CCDC102B: variants seen among roughly 807,000 people sequenced by gnomAD.
The protein encoded by CCDC102B is coiled-coil domain containing 102B.
CCDC102B carries 75 observed loss-of-function variants against 57.4 expected under a neutral mutation model. That is an observed-to-expected ratio of 1.31 (90% CI 1.08 to 1.58). The LOEUF (loss-of-function observed/expected upper bound fraction) is 1.58, where lower values mean the gene tolerates loss of function less well. Among genes scored for constraint, CCDC102B ranks in the 40% most tolerant of loss-of-function variants. CCDC102B has a pLI of 0.00. For synonymous variants in CCDC102B, 206 were observed against 201.9 expected (o/e 1.02, Z -0.17); for missense variants, 636 against 582.6 (o/e 1.09, Z -0.94).
intron 6 of CCDC102B, among the ~76,000 whole-genome samples, chr18:68,905,666 C>G (rs2040604282): frequency 6.6e-6 from 1 of 152,024 alleles, no homozygotes; most frequent in African/African-American, 2.4e-5. Context: ...TGCAGTAACT[C>G]CTCATTCCTC....
intron 6 of CCDC102B, among the ~76,000 whole-genome samples, chr18:68,913,382 C>T (rs1171764345): frequency 6.7e-6 from 1 of 148,208 alleles, no homozygotes; most frequent in Non-Finnish European, 1.5e-5. Context: ...GGTGGTGGCT[C>T]ACGCCTATAC....
intron 6 of CCDC102B, among the ~76,000 whole-genome samples, chr18:68,926,541 C>T (rs1012045228): frequency 1.3e-5 from 2 of 151,740 alleles, no homozygotes; most frequent in African/African-American, 4.8e-5. Context: ...TTTAGAAACA[C>T]CTGCAATAGA....
chr18:68,858,200 G>A (rs2038570360), intron 4 of CCDC102B, among the ~76,000 whole-genome samples: 2 of 152,266 alleles, frequency 1.3e-5, no homozygotes, highest in East Asian at 3.9e-4. Flanking sequence ...TTCTAGAATT[G>A]TATAAAAATG....
chr18:68,820,410 C>T (rs888720567), intron 1 of CCDC102B, among the ~76,000 whole-genome samples: 22 of 151,922 alleles, frequency 1.4e-4, no homozygotes, highest in African/African-American at 5.3e-4. Context: ...TATTCAACTT[C>T]GTGATATATT....
chr18:68,889,728 C>T (rs528388934), intron 5 of CCDC102B, among the ~76,000 whole-genome samples: 3 of 152,188 alleles, frequency 2.0e-5, no homozygotes, highest in South Asian at 2.1e-4. Flanking sequence ...CGTGAGCCAC[C>T]GGGCCCGGCC....
At chr18:68,986,046 G>T (rs1356328702) in intron 6 of CCDC102B, among the ~76,000 whole-genome samples, 1 of 152,002 alleles carries the variant, frequency 6.6e-6, no homozygotes, top group African/African-American at 2.4e-5. Flanking sequence ...CATGTTTAAG[G>T]TGAACATATT....
intron 6 of CCDC102B, among the ~76,000 whole-genome samples, chr18:68,945,596 C>T (rs548378978): frequency 6.0e-4 from 91 of 152,178 alleles, no homozygotes; most frequent in Non-Finnish European, 1.1e-3. Flanking sequence ...TTGGTTAAAA[C>T]TGTTCTTAAT....
At chr18:69,052,787 A>T (rs752880465) in intron 7 of CCDC102B, among the ~76,000 whole-genome samples, 4 of 151,728 alleles carry the variant, frequency 2.6e-5, no homozygotes, top group Non-Finnish European at 5.9e-5. Flanking sequence ...ACTAATCAAA[A>T]ATATTTTTTA....
chr18:68,852,484 A>G (rs1381705889), intron 4 of CCDC102B, among the ~76,000 whole-genome samples: 2 of 152,168 alleles, frequency 1.3e-5, no homozygotes, highest in Non-Finnish European at 2.9e-5. Context: ...CATCTACATT[A>G]CTTATAATTC....
intron 2 of CCDC102B, among the ~76,000 whole-genome samples, chr18:68,744,425 C>A (rs773864874): frequency 1.3e-5 from 2 of 151,966 alleles, no homozygotes. Context: ...GAATCTGGGC[C>A]CTTTCAGTGA....
chr18:69,041,225 CAGAT>C (rs1471029210), intron 7 of CCDC102B, among the ~76,000 whole-genome samples: 33 of 152,202 alleles, frequency 2.2e-4, no homozygotes, highest in Admixed American at 3.3e-4. Flanking sequence ...TAGTACACAG[CAGAT>C]ACTCAATTTG....
chr18:68,842,849 C>T (rs564034434), intron 3 of CCDC102B, among the ~76,000 whole-genome samples: 37 of 152,248 alleles, frequency 2.4e-4, no homozygotes, highest in Admixed American at 2.2e-3. Flanking sequence ...TCAATTTCCG[C>T]TCAAATTTGC....
intron 2 of CCDC102B, among the ~76,000 whole-genome samples, chr18:68,762,614 A>G (rs550208728): frequency 1.3e-5 from 2 of 152,248 alleles, no homozygotes; most frequent in African/African-American, 4.8e-5. Context: ...GCCAGAAAGT[A>G]AAAAGGTGAA....
chr18:68,859,102 G>C (rs1183290013), intron 4 of CCDC102B: 1 of 150,620 alleles, frequency 6.6e-6, no homozygotes, highest in African/African-American at 2.4e-5. Context: ...CCAAAACAGA[G>C]ATATAGATCA....
intron 1 of CCDC102B, among the ~76,000 whole-genome samples, chr18:68,823,914 G>T (rs2036799189): frequency 6.6e-6 from 1 of 151,474 alleles, no homozygotes; most frequent in Admixed American, 6.6e-5. Context: ...TTTGTTTTCT[G>T]CTTGTTGATT....
At chr18:68,757,360 TCCTTTTGGTAA>T (rs1370158208) in intron 2 of CCDC102B, among the ~76,000 whole-genome samples, 8 of 152,188 alleles carry the variant, frequency 5.3e-5, no homozygotes, top group African/African-American at 1.9e-4. Context: ...AATGTCTCTT[TCCTTTTGGTAA>T]TATTATTTCA....
chr18:68,850,106 A>G (rs1011514195), intron 4 of CCDC102B, among the ~76,000 whole-genome samples: 4 of 152,208 alleles, frequency 2.6e-5, no homozygotes, highest in African/African-American at 9.6e-5. Context: ...TTTAAGCTGT[A>G]TAACCCAAAA....
At chr18:68,802,433 G>A (rs955924533) in intron 1 of CCDC102B, among the ~76,000 whole-genome samples, 8 of 152,160 alleles carry the variant, frequency 5.3e-5, no homozygotes, top group Non-Finnish European at 1.2e-4. Flanking sequence ...AATGCTATAT[G>A]AATTTACTTG....
intron 2 of CCDC102B, among the ~76,000 whole-genome samples, chr18:68,756,148 A>G (rs935545865): frequency 3.3e-5 from 5 of 151,826 alleles, no homozygotes; most frequent in South Asian, 2.1e-4. Flanking sequence ...TTTTGAATCA[A>G]TAAGTTATTT....
Sources: allele counts gnomAD v4.1 joint callset (sites outside exome capture counted in the v4.1 genomes callset), GRCh38; gene constraint gnomAD v4.1.1; transcripts MANE v1.5; gene names NCBI Gene and HGNC (gene_info 2026-07-23, HGNC 2026-07-21).